Variants in NYAP2 observed in about 807,000 individuals in gnomAD.
The protein encoded by NYAP2 is neuronal tyrosine-phosphorylated phosphoinositide-3-kinase adaptor 2, also known as neuronal tyrosine-phosphorylated phosphoinositide-3-kinase adapter 2.
A neutral mutation model predicts 50.4 loss-of-function variants in NYAP2; 23 were observed. The observed-to-expected ratio is 0.46, with a 90% confidence interval of 0.33 to 0.65. The LOEUF (loss-of-function observed/expected upper bound fraction) is 0.65. Ranked by LOEUF, NYAP2 falls within the 30% of genes least tolerant of loss-of-function variation. NYAP2 has a pLI of 0.02. For synonymous variants in NYAP2, 394 were observed against 365.2 expected (o/e 1.08, Z -0.90); for missense variants, 885 against 861.0 (o/e 1.03, Z -0.35).
intron 3 of NYAP2, among the ~76,000 whole-genome samples, chr2:225,509,925 A>AAAT (rs1278238603): frequency 2.0e-5 from 3 of 152,238 alleles, no homozygotes; most frequent in Non-Finnish European, 4.4e-5. Context: ...GGAGGAGAAT[A>AAAT]AGTCCCCAGG....
At chr2:225,495,447 T>C (rs1690487009) in intron 3 of NYAP2, among the ~76,000 whole-genome samples, 1 of 152,182 alleles carries the variant, frequency 6.6e-6, no homozygotes, top group African/African-American at 2.4e-5. Flanking sequence ...ATCCCCTCCA[T>C]CTAAAGGAGG....
At chr2:225,454,394 AAATCTC>A (rs1689703359) in intron 3 of NYAP2, among the ~76,000 whole-genome samples, 1 of 152,218 alleles carries the variant, frequency 6.6e-6, no homozygotes, top group Admixed American at 6.5e-5. Flanking sequence ...TACTGTCAAT[AAATCTC>A]AATAGAATTT....
intron 6 of NYAP2, among the ~76,000 whole-genome samples, chr2:225,649,457 G>T (rs1050651453): frequency 6.6e-6 from 1 of 152,070 alleles, no homozygotes; most frequent in Non-Finnish European, 1.5e-5. Context: ...GAACACAGTG[G>T]ATACTCTGAT....
At chr2:225,517,078 AT>A (rs1426133061) in intron 4 of NYAP2, among the ~76,000 whole-genome samples, 1 of 152,176 alleles carries the variant, frequency 6.6e-6, no homozygotes, top group African/African-American at 2.4e-5. Context: ...ACAAAAAAAA[AT>A]CACATACCAA....
At chr2:225,551,502 T>A (rs1213851010) in intron 4 of NYAP2, among the ~76,000 whole-genome samples, 1 of 152,180 alleles carries the variant, frequency 6.6e-6, no homozygotes, top group African/African-American at 2.4e-5. Flanking sequence ...CCAGATGAAC[T>A]GAGACAAACC....
intron 3 of NYAP2, among the ~76,000 whole-genome samples, chr2:225,478,650 A>T (rs1433957779): frequency 1.3e-5 from 2 of 152,116 alleles, no homozygotes; most frequent in Admixed American, 1.3e-4. Context: ...GTGACCTTAA[A>T]TTTTTTCAAG....
the NYAP2 span, among the ~76,000 whole-genome samples, chr2:225,671,810 C>T: frequency 6.6e-6 from 1 of 152,080 alleles, no homozygotes; most frequent in Admixed American, 6.6e-5. Context: ...GTTATCTTAG[C>T]AGGCATAAAA....
chr2:225,563,577 G>A (rs1255059030), intron 4 of NYAP2, among the ~76,000 whole-genome samples: 1 of 151,982 alleles, frequency 6.6e-6, no homozygotes, highest in Non-Finnish European at 1.5e-5. Flanking sequence ...TTCGTGACAT[G>A]GTCACAGCTA....
At chr2:225,546,932 G>A (rs964377541) in intron 4 of NYAP2, among the ~76,000 whole-genome samples, 7 of 152,182 alleles carry the variant, frequency 4.6e-5, no homozygotes, top group South Asian at 4.1e-4. Context: ...TGGGTCCTTC[G>A]TTCAAAGCAG....
intron 2 of NYAP2, among the ~76,000 whole-genome samples, chr2:225,406,333 G>A (rs1009770692): frequency 6.6e-6 from 1 of 151,894 alleles, no homozygotes; most frequent in Non-Finnish European, 1.5e-5. Context: ...GACAGGGCCT[G>A]TGACCGTTTT....
intron 5 of NYAP2, among the ~76,000 whole-genome samples, chr2:225,583,907 T>C (rs1692344953): frequency 6.6e-6 from 1 of 152,130 alleles, no homozygotes; most frequent in Admixed American, 6.5e-5. Context: ...CCGGGTGTGG[T>C]GGCGGGCACC....
chr2:225,537,024 C>T (rs1471046124), intron 4 of NYAP2, among the ~76,000 whole-genome samples: 3 of 152,038 alleles, frequency 2.0e-5, no homozygotes, highest in African/African-American at 7.2e-5. Flanking sequence ...GTGATCCGCT[C>T]GCCTCGGCTT....
At chr2:225,519,525 G>C (rs1020481213) in intron 4 of NYAP2, among the ~76,000 whole-genome samples, 1 of 149,020 alleles carries the variant, frequency 6.7e-6, no homozygotes, top group Non-Finnish European at 1.5e-5. Flanking sequence ...TGCAGTGTTT[G>C]GTTTTTTGTT....
intron 3 of NYAP2, among the ~76,000 whole-genome samples, chr2:225,434,148 T>C (rs577006958): frequency 6.1e-4 from 93 of 152,298 alleles, no homozygotes; most frequent in African/African-American, 2.1e-3. Flanking sequence ...GTCTGTGATG[T>C]AAATGACACA....
chr2:225,500,658 A>G (rs938498928), intron 3 of NYAP2, among the ~76,000 whole-genome samples: 2 of 152,226 alleles, frequency 1.3e-5, no homozygotes, highest in African/African-American at 4.8e-5. Context: ...AGCACATATT[A>G]CAAATGTTTG....
intron 3 of NYAP2, among the ~76,000 whole-genome samples, chr2:225,450,099 G>A (rs1300219483): frequency 6.6e-6 from 1 of 152,138 alleles, no homozygotes; most frequent in African/African-American, 2.4e-5. Context: ...GGTTTATTTA[G>A]AAAACAGATG....
chr2:225,702,041 T>C, the NYAP2 span: 1 of 151,592 alleles, frequency 6.6e-6, no homozygotes, highest in African/African-American at 2.4e-5. Flanking sequence ...TTAAGACAAG[T>C]AGAAAAGAGC....
At chr2:225,496,841 T>C (rs974869739) in intron 3 of NYAP2, among the ~76,000 whole-genome samples, 3 of 152,214 alleles carry the variant, frequency 2.0e-5, no homozygotes, top group African/African-American at 7.2e-5. Flanking sequence ...CATTGTGCTG[T>C]TGTGTGCAAC....
chr2:225,499,813 A>G (rs9808488), intron 3 of NYAP2, among the ~76,000 whole-genome samples: 38,714 of 152,072 alleles, frequency 0.25, 5,243 homozygotes, highest in African/African-American at 0.36. Context: ...AAGATGAATG[A>G]ATGATTTAGT....
Sources: allele counts gnomAD v4.1 joint callset (sites outside exome capture counted in the v4.1 genomes callset), GRCh38; gene constraint gnomAD v4.1.1; transcripts MANE v1.5; gene names NCBI Gene and HGNC (gene_info 2026-07-23, HGNC 2026-07-21).